The following MRPS12 variants were observed in gnomAD, a reference collection of about 807,000 sequenced individuals.
MRPS12 encodes mitochondrial ribosomal protein S12.
A neutral mutation model predicts 8.4 loss-of-function variants in MRPS12; 7 were observed. The observed-to-expected ratio is 0.83, with a 90% CI of 0.47 to 1.56. The LOEUF is 1.56. MRPS12 is among the 40% of genes most tolerant of loss of function. The pLI is 0.01. For synonymous variants in MRPS12, 84 were observed against 84.1 expected, an observed-to-expected ratio of 1.00 and a Z score of 0.01; for missense variants, 200 against 194.1, an observed-to-expected ratio of 1.03 and a Z score of -0.18.
Position 38,931,318 on chromosome 19 carries a change from T to G in MRPS12, c.24T>G (p.His8Gln). 6.2e-7 allele frequency: 1 copy of G among 1,603,816 alleles called. No homozygotes were observed. Residue 8 changes from histidine (H) to glutamine (Q), a missense_variant, in exon 2 of 3, where the codon CAT (histidine) becomes CAG (glutamine). Physicochemically the swap from His to Gln is conservative, Grantham distance 24 (BLOSUM62 0). Coordinates refer to ENST00000308018, the MANE Select transcript of MRPS12 (RefSeq NM_033362.4). MSWSGLL[H>Q]GLNTSLTCGP... ...GGATGTCCTGGTCTGGCCTTCTCCATGGCCTCAACACGTCCCTAACTTGTG... is the reference window on the plus strand; with the variant it reads ...GGATGTCCTGGTCTGGCCTTCTCCAGGGCCTCAACACGTCCCTAACTTGTG...
rs1189259408 is a variant in MRPS12 at position 38,931,279 on chromosome 19, C to T, written c.-16C>T. The stretch of plus-strand genomic sequence containing the variant: ...AGTCTCTTATCCCCTACCACAGGGA[C>T]GGCCCAGGTGGCAGGATGTCCTGGT... On this transcript the variant is annotated 5_prime_UTR_variant, in exon 2 of 3. It adds an upstream start codon to the 5' untranslated region. Transcript: ENST00000308018. 6 of 1,594,410 alleles carry T rather than the reference C, an allele frequency of 3.8e-6. No homozygotes were observed. The highest frequency in any genetic ancestry group is 5.1e-6 in the Non-Finnish European group (6 of 1,171,326).
Position 38,933,024 on chromosome 19 carries a change from C to T in MRPS12, c.*324C>T, listed in dbSNP as rs1974792079. 4 of 291,288 alleles carry T rather than the reference C, an allele frequency of 1.4e-5. No homozygotes were observed. The highest frequency in any genetic ancestry group is 6.6e-5 in the African/African-American group (3 of 45,232). The allele number at this position is 291,288 out of a possible 1,614,324, so 18.0% of individuals were successfully genotyped here. On this transcript the variant is annotated 3_prime_UTR_variant, in exon 3 of 3. Coordinates refer to ENST00000308018, the MANE Select transcript of MRPS12 (RefSeq NM_033362.4). ...ACCCTGGCGCTTGTGATGTAAATCCCCTTGTGGAGTATTTGCCCTCTGTGT... is the reference window on the plus strand; with the variant it reads ...ACCCTGGCGCTTGTGATGTAAATCCTCTTGTGGAGTATTTGCCCTCTGTGT...
chr19:38,932,478 G>A lies in MRPS12; in HGVS notation c.195G>A (p.Thr65=), dbSNP rs372051367. ...RPQLKGVVLC[T]FTRKPKKPNS... ...AGCTGAAGGGTGTGGTCCTGTGCAC[G>A]TTTACCCGCAAGCCGAAGAAGCCCA... Residue 65 remains threonine (T), a synonymous_variant, in exon 3 of 3, where the codon ACG becomes ACA. Transcript: ENST00000308018. The A allele has an allele frequency of 1.7e-4, 277 of 1,613,100 alleles. No homozygotes were observed. The highest frequency in any genetic ancestry group is 2.0e-4 in the Non-Finnish European group (241 of 1,179,554).
rs917298461 is a variant in MRPS12 at position 38,933,006 on chromosome 19, C to T, written c.*306C>T. 2 of 322,006 alleles carry T rather than the reference C, an allele frequency of 6.2e-6. No homozygotes were observed. Among genetic ancestry groups the T allele is most frequent in the East Asian group, 1.3e-4 (2 of 15,816 alleles). 19.9% of individuals were successfully genotyped at this position (322,006 alleles called of 1,614,324 possible). ...AGGGGTTTTAATAAACAGACCCTGG[C>T]GCTTGTGATGTAAATCCCCTTGTGG... On this transcript the variant is annotated 3_prime_UTR_variant, in exon 3 of 3. Coordinates refer to ENST00000308018, the MANE Select transcript of MRPS12 (RefSeq NM_033362.4).
rs139733849 is a variant in MRPS12, at chr19:38,932,702, G to T, written c.*2G>T. The stretch of plus-strand genomic sequence containing the variant: ...TGTGGCCACGTGCAGAAGAAGTGAC[G>T]GCTGGGGGCACAGTGGGCTGGGCGC... On this transcript the variant is annotated 3_prime_UTR_variant, in exon 3 of 3. Transcript: ENST00000308018. 2 of 1,611,712 alleles carry T rather than the reference G, an allele frequency of 1.2e-6. No individual in the cohort carries two copies. The highest frequency in any genetic ancestry group is 2.2e-5 in the South Asian group (2 of 90,998).
chr19:38,931,118 T>G lies in MRPS12; in HGVS notation c.-20+120T>G, dbSNP rs956842311. The stretch of plus-strand genomic sequence containing the variant: ...GAACCCACTCAGAGCGAGGCTAAAT[T>G]TACGGAGGGACTTTCTGTTAGCAGC... On this transcript the variant is annotated intron_variant, in intron 1 of 2. Transcript: ENST00000308018. 4.3e-6 allele frequency: 3 copies of G among 697,922 alleles called. No individual in the cohort carries two copies. The African/African-American group carries it at 5.3e-5, about 12-fold the overall frequency. The allele number at this position is 697,922 out of a possible 1,614,324, so 43.2% of individuals were successfully genotyped here. A position where few individuals can be genotyped will look rare whatever the true frequency, so the allele number is the denominator to read the frequency against.
intron 2 of MRPS12, 197 bp downstream of exon 2, chr19:38,931,540 G>C: frequency 2.2e-6 from 1 of 450,718 alleles, no homozygotes; most frequent in Non-Finnish European, 3.9e-6. Context: ...GCGGCGTTTG[G>C]GTCAGTTTTA....
At position 38,932,574 on chromosome 19, in the gene MRPS12, G is replaced by A. The variant is rs904202890; in HGVS notation, c.291G>A (p.Gly97=). The A allele has an allele frequency of 3.7e-6, 6 of 1,613,432 alleles. No individual in the cohort carries two copies. The highest frequency in any genetic ancestry group is 5.1e-6 in the Non-Finnish European group (6 of 1,179,822). Residue 97 remains glycine, a synonymous_variant, in exon 3 of 3, where the codon GGG becomes GGA. Transcript: ENST00000308018. The stretch of plus-strand genomic sequence containing the variant: ...GCGAGGCCGTCTGCTTCATCCCTGG[G>A]GAGGGCCACACCCTGCAGGAGCACC... ...TGREAVCFIP[G]EGHTLQEHQI...
rs931735065 is a variant in MRPS12, at chr19:38,930,978, C to A, written c.-40C>A. The A allele has an allele frequency of 3.3e-6, 2 of 609,852 alleles. No individual in the cohort carries two copies. Among genetic ancestry groups the A allele is most frequent in the Non-Finnish European group, 5.8e-6 (2 of 345,048 alleles). The allele number at this position is 609,852 out of a possible 1,614,324, so 37.8% of individuals were successfully genotyped here. A position where few individuals can be genotyped will look rare whatever the true frequency, so the allele number is the denominator to read the frequency against. On this transcript the variant is annotated 5_prime_UTR_variant, in exon 1 of 3. Coordinates refer to ENST00000308018, the MANE Select transcript of MRPS12 (RefSeq NM_033362.4). ...AAGCTGGATTCAGCGTGTCCGCGAC[C>A]TCACCTTTAGGTCCTGTGAGGTCGG...
In MRPS12 at chr19:38,932,619, C is replaced by T. The variant is rs139691212; in HGVS notation, c.336C>T (p.Gly112=). Residue 112 remains glycine, a synonymous_variant, in exon 3 of 3, where the codon GGC becomes GGT. Coordinates refer to ENST00000308018, the MANE Select transcript of MRPS12 (RefSeq NM_033362.4). ...LQEHQIVLVE[G]GRTQDLPGVK... ...AGCACCAGATTGTCCTTGTGGAGGG[C>T]GGCCGCACCCAGGACCTGCCAGGCG... 2.3e-4 allele frequency: 373 copies of T among 1,613,614 alleles called. 1 individual carries two copies. In the Admixed American group the frequency reaches 3.0e-3, roughly 13 times the overall value.
rs1334960022 is a variant in MRPS12, at chr19:38,932,393, A to G, written c.110A>G (p.His37Arg). ...TCCATGGCTACCCTGAACCAGATGC[A>G]CCGCCTGGGGCCCCCCAAGCGGCCG... ...TCSMATLNQM[H>R]RLGPPKRPPR... The change falls in exon 3 of 3, where the codon CAC (histidine) becomes CGC (arginine). Residue 37 changes from histidine (H) to arginine (R), a missense_variant. By Grantham distance (29) the His-to-Arg change is conservative. Coordinates refer to ENST00000308018, the MANE Select transcript of MRPS12 (RefSeq NM_033362.4). The G allele has an allele frequency of 3.1e-6, 5 of 1,597,898 alleles. No homozygotes were observed. The highest frequency in any genetic ancestry group is 3.4e-6 in the Non-Finnish European group (4 of 1,171,000).
intron 2 of MRPS12, 98 bp downstream of exon 2, chr19:38,931,441 G>A (rs770122295): frequency 7.2e-6 from 9 of 1,252,848 alleles, no homozygotes; most frequent in African/African-American, 1.6e-5. Flanking sequence ...GGGAAACGGG[G>A]GTGGAAAAAC....
chr19:38,931,063 G>C, intron 1 of MRPS12, 65 bp downstream of exon 1: 1 of 602,176 alleles, frequency 1.7e-6, no homozygotes, highest in Non-Finnish European at 3.0e-6. Context: ...AGTTCTTCCT[G>C]CGTGCGGGCG....
rs1600180197 is a variant in MRPS12 at position 38,933,146 on chromosome 19, A to G, written c.*446A>G. Reference sequence around the variant, plus strand: ...TTTGGTTTGGTGAAGATTAAATTCGATGCTCTATGTGCATAACACGCACGG... The same window carrying G: ...TTTGGTTTGGTGAAGATTAAATTCGGTGCTCTATGTGCATAACACGCACGG... On this transcript the variant is annotated 3_prime_UTR_variant, in exon 3 of 3. Coordinates refer to ENST00000308018, the MANE Select transcript of MRPS12 (RefSeq NM_033362.4). 6.1e-6 allele frequency: 1 copy of G among 163,024 alleles called. No individual in the cohort carries two copies. The highest frequency in any genetic ancestry group is 1.4e-4 in the South Asian group (1 of 6,938). The allele number at this position is 163,024 out of a possible 1,614,324, so 10.1% of individuals were successfully genotyped here.
At position 38,932,846 on chromosome 19, in the gene MRPS12, AC is replaced by A; in HGVS notation, c.*148del. ...TCCTGGCTCCGCCTCTTCCATCAGG[AC>A]CACTATTAAGCCATAGGAGTCCTGG... On this transcript the variant is annotated 3_prime_UTR_variant, in exon 3 of 3. Coordinates refer to ENST00000308018, the MANE Select transcript of MRPS12 (RefSeq NM_033362.4). 2 of 1,169,832 alleles carry A rather than the reference AC, an allele frequency of 1.7e-6. No individual in the cohort carries two copies. The highest frequency in any genetic ancestry group is 2.6e-5 in the Admixed American group (1 of 38,818). 72.5% of individuals were successfully genotyped at this position (1,169,832 alleles called of 1,614,324 possible).
rs1047993660 is a variant in MRPS12 at position 38,932,576 on chromosome 19, A to G, written c.293A>G (p.Glu98Gly). ...GREAVCFIPG[E>G]GHTLQEHQIV... ...GAGGCCGTCTGCTTCATCCCTGGGG[A>G]GGGCCACACCCTGCAGGAGCACCAG... Residue 98 changes from glutamate (E) to glycine (G), a missense_variant, in exon 3 of 3, where the codon GAG (glutamate) becomes GGG (glycine). Transcript: ENST00000308018. The G allele has an allele frequency of 3.1e-6, 5 of 1,613,344 alleles. No homozygotes were observed. Among genetic ancestry groups the G allele is most frequent in the Non-Finnish European group, 4.2e-6 (5 of 1,179,824 alleles).
rs149862975 is a variant in MRPS12 at position 38,932,670 on chromosome 19, G to C, written c.387G>C (p.Lys129Asn). Residue 129 changes from lysine (K) to asparagine (N), a missense_variant, in exon 3 of 3, where the codon AAG becomes AAC. Physicochemically the swap from Lys to Asn is moderately conservative, Grantham distance 94. Transcript: ENST00000308018. ...PGVKLTVVRG[K>N]YDCGHVQKK ...TCAAGCTCACCGTTGTGCGTGGCAA[G>C]TACGACTGTGGCCACGTGCAGAAGA... The C allele has an allele frequency of 2.5e-6, 4 of 1,613,518 alleles. No homozygotes were observed. Among genetic ancestry groups the C allele is most frequent in the Non-Finnish European group, 3.4e-6 (4 of 1,179,980 alleles).
Position 38,932,356 on chromosome 19 carries a change from T to C in MRPS12, c.73T>C (p.Trp25Arg). 1 of 1,548,646 alleles carries C rather than the reference T, an allele frequency of 6.5e-7. No homozygotes were observed. Among genetic ancestry groups the C allele is most frequent in the Non-Finnish European group, 8.7e-7 (1 of 1,144,696 alleles). The change falls in exon 3 of 3, where the codon TGG becomes CGG. Residue 25 changes from tryptophan to arginine, a missense_variant. Transcript: ENST00000308018. ...TCGPALVPRL[W>R]ATCSMATLNQ... Reference sequence around the variant, plus strand: ...AGGCCCAGCTCTGGTTCCCCGGCTCTGGGCTACCTGCTCCATGGCTACCCT... The same window carrying C: ...AGGCCCAGCTCTGGTTCCCCGGCTCCGGGCTACCTGCTCCATGGCTACCCT...
At chr19:38,931,594 T>G in intron 2 of MRPS12, 1 of 351,122 alleles carries the variant, frequency 2.8e-6, no homozygotes, top group Non-Finnish European at 5.2e-6. Flanking sequence ...CAGGCTGAAG[T>G]GCAGCGGTGT....
Sources: allele counts gnomAD v4.1 joint callset, GRCh38; gene constraint gnomAD v4.1.1; transcripts MANE v1.5; gene names NCBI Gene and HGNC (gene_info 2026-07-23, HGNC 2026-07-21).